NEK11: variants seen among roughly 807,000 people sequenced by gnomAD.
NEK11 encodes serine/threonine-protein kinase Nek11.
A neutral mutation model predicts 80.7 loss-of-function variants in NEK11; 72 were observed. That is an observed-to-expected ratio of 0.89 (90% CI 0.74 to 1.08). NEK11 has a LOEUF of 1.08. Among genes scored for constraint, NEK11 ranks in the 50% least tolerant of loss-of-function variants. The pLI is 0.00. For synonymous variants in NEK11, 251 were observed against 260.7 expected (o/e 0.96, Z 0.36); for missense variants, 764 against 763.6 (o/e 1.00, Z -0.01).
chr3:131,229,471 A>G (rs1314435734), intron 15 of NEK11, among the ~76,000 whole-genome samples: 1 of 152,222 alleles, frequency 6.6e-6, no homozygotes, highest in Middle Eastern at 3.4e-3. Context: ...TTAACTGAGA[A>G]CCATGCAGCT....
chr3:131,314,703 C>T (rs905883228), intron 17 of NEK11, among the ~76,000 whole-genome samples: 9 of 152,210 alleles, frequency 5.9e-5, no homozygotes, highest in African/African-American at 2.2e-4. Context: ...TGGAGCATAT[C>T]ATGCTTCTGT....
rs150955504 is a variant in NEK11 at position 131,234,061 on chromosome 3, C to T, written c.1560+5373C>T. On this transcript the variant is annotated intron_variant, in intron 15 of 17. Transcript: ENST00000383366. ...TCCTCCACTGATGATAGAGTAAATGCGTTAGGTGCAAGGGAATAGCTGCAG... is the reference window on the plus strand; with the variant it reads ...TCCTCCACTGATGATAGAGTAAATGTGTTAGGTGCAAGGGAATAGCTGCAG... Among the ~76,000 whole-genome samples the T allele has an allele frequency of 1.9e-4, 29 of 152,266 alleles. No homozygotes were observed. In the East Asian group the frequency reaches 4.8e-3, roughly 25 times the overall value.
chr3:131,317,659 C>G (rs1441347603), intron 17 of NEK11, among the ~76,000 whole-genome samples: 1 of 151,258 alleles, frequency 6.6e-6, no homozygotes, highest in Non-Finnish European at 1.5e-5. Flanking sequence ...CTTTGGGAGG[C>G]TGAGACGGGA....
chr3:131,097,854 T>C (rs1467378123), intron 4 of NEK11, among the ~76,000 whole-genome samples: 3 of 143,486 alleles, frequency 2.1e-5, no homozygotes, highest in African/African-American at 7.5e-5. Context: ...GCCAAGTCAA[T>C]CCTAAGCCAA....
intron 17 of NEK11, among the ~76,000 whole-genome samples, chr3:131,311,008 C>T (rs943264058): frequency 2.6e-5 from 4 of 152,182 alleles, no homozygotes; most frequent in Non-Finnish European, 4.4e-5. Flanking sequence ...CCTCTCATAA[C>T]TCCCCTGTGG....
chr3:131,228,429 A>C, intron 14 of NEK11, 99 bp from the exon 15 acceptor site: 2 of 1,088,286 alleles, frequency 1.8e-6, no homozygotes, highest in Non-Finnish European at 2.6e-6. Context: ...AGCTTTGTCA[A>C]CGCAAGCAAA....
At chr3:131,091,774 C>T (rs1012948281) in intron 4 of NEK11, among the ~76,000 whole-genome samples, 1 of 152,084 alleles carries the variant, frequency 6.6e-6, no homozygotes, top group African/African-American at 2.4e-5. Context: ...ATTAAATTTA[C>T]CAAAGTTTAT....
chr3:131,338,263 CTGG>C (rs1279269631), intron 17 of NEK11, among the ~76,000 whole-genome samples: 2 of 106,612 alleles, frequency 1.9e-5, no homozygotes, highest in Non-Finnish European at 4.0e-5. Flanking sequence ...CGGCGCCCAG[CTGG>C]TTTTTTTTTT....
intron 15 of NEK11, among the ~76,000 whole-genome samples, chr3:131,231,368 A>G (rs2095327376): frequency 6.7e-6 from 1 of 149,900 alleles, no homozygotes; most frequent in Non-Finnish European, 1.5e-5. Flanking sequence ...TCAGGCCCAC[A>G]TCAGTCACAT....
intron 10 of NEK11, among the ~76,000 whole-genome samples, chr3:131,161,001 G>A (rs776211556): frequency 6.6e-6 from 1 of 151,984 alleles, no homozygotes; most frequent in Non-Finnish European, 1.5e-5. Flanking sequence ...TGGCCAACAC[G>A]GTGAAACCCC....
chr3:131,274,213 G>GT (rs1344898057), intron 17 of NEK11, among the ~76,000 whole-genome samples: 3 of 146,894 alleles, frequency 2.0e-5, no homozygotes, highest in Non-Finnish European at 4.5e-5. Flanking sequence ...GCGGTGTTTG[G>GT]TTTTTTGTTC....
intron 17 of NEK11, among the ~76,000 whole-genome samples, chr3:131,316,228 C>T (rs1218079731): frequency 6.6e-6 from 1 of 152,128 alleles, no homozygotes; most frequent in Admixed American, 6.6e-5. Context: ...CATAAAACAA[C>T]CTAATTGCTA....
intron 4 of NEK11, among the ~76,000 whole-genome samples, chr3:131,090,940 G>GT (rs889105329): frequency 1.5e-4 from 23 of 152,192 alleles, no homozygotes; most frequent in African/African-American, 5.1e-4. Context: ...TTTTAAAATT[G>GT]TTTTTTAGAG....
At chr3:131,047,945 C>T (rs1264349817) in intron 3 of NEK11, among the ~76,000 whole-genome samples, 2 of 152,030 alleles carry the variant, frequency 1.3e-5, no homozygotes, top group Non-Finnish European at 2.9e-5. Context: ...TTGGGTGGGG[C>T]TTGCTGTGGC....
At chr3:131,287,122 C>T (rs1013663004) in intron 17 of NEK11, among the ~76,000 whole-genome samples, 1 of 152,192 alleles carries the variant, frequency 6.6e-6, no homozygotes, top group African/African-American at 2.4e-5. Context: ...GAAAGGTAAT[C>T]TCATAGGAGC....
intron 3 of NEK11, among the ~76,000 whole-genome samples, chr3:131,078,138 T>G (rs1239548914): frequency 6.6e-6 from 1 of 152,322 alleles, no homozygotes; most frequent in Non-Finnish European, 1.5e-5. Context: ...AGCTTATGCC[T>G]GCTGTTGGTT....
chr3:131,101,432 T>C (rs1047471765), intron 4 of NEK11, among the ~76,000 whole-genome samples: 14 of 152,226 alleles, frequency 9.2e-5, no homozygotes, highest in Non-Finnish European at 2.1e-4. Context: ...GTTGTGTCTC[T>C]ATTTTCATTA....
intron 3 of NEK11, among the ~76,000 whole-genome samples, chr3:131,037,447 C>G (rs1013485252): frequency 1.3e-5 from 2 of 152,104 alleles, no homozygotes; most frequent in Non-Finnish European, 2.9e-5. Context: ...CCACGCCCAG[C>G]TAATTTTTGT....
chr3:131,155,780 A>G (rs2090554858), intron 10 of NEK11, among the ~76,000 whole-genome samples: 1 of 152,168 alleles, frequency 6.6e-6, no homozygotes. Flanking sequence ...TGAAAACAGA[A>G]GCCCTCAATA....
Sources: gnomAD v4.1 joint callset for allele counts (sites outside exome capture counted in the v4.1 genomes callset) on GRCh38, gnomAD v4.1.1 for gene constraint, MANE v1.5 for transcripts, NCBI Gene and HGNC (gene_info 2026-07-23, HGNC 2026-07-21) for gene names.